IDE: variants seen among roughly 807,000 people sequenced by gnomAD.
IDE encodes insulin degrading enzyme, also known as insulin-degrading enzyme.
IDE carries 58 observed loss-of-function variants against 133.2 expected under a neutral mutation model. That is an observed-to-expected ratio of 0.44 (90% confidence interval 0.35 to 0.54). The LOEUF (loss-of-function observed/expected upper bound fraction) is 0.54. IDE is among the 20% of genes least tolerant of loss of function. The pLI, the probability that IDE is intolerant of heterozygous loss-of-function variation, is 0.00. For synonymous variants in IDE, 396 were observed against 421.3 expected (o/e 0.94, Z 0.73); for missense variants, 981 against 1,234.0 (o/e 0.79, Z 3.07).
At chr10:92,496,272 C>G (rs577357021) in intron 11 of IDE, among the ~76,000 whole-genome samples, 26 of 152,280 alleles carry the variant, frequency 1.7e-4, no homozygotes, top group African/African-American at 6.0e-4. Context: ...AGGTCAAATT[C>G]TGGGAAAGAC....
At chr10:92,460,046 C>T (rs1267527659) in intron 22 of IDE, among the ~76,000 whole-genome samples, 1 of 151,780 alleles carries the variant, frequency 6.6e-6, no homozygotes, top group African/African-American at 2.4e-5. Context: ...ACTATGTTGG[C>T]CAGGCTGATC....
chr10:92,543,533 T>C (rs1475468025), intron 1 of IDE, among the ~76,000 whole-genome samples: 1 of 152,242 alleles, frequency 6.6e-6, no homozygotes, highest in African/African-American at 2.4e-5. Flanking sequence ...CCTGTTAAAC[T>C]TATTCACCCC....
chr10:92,456,006 C>A (rs1238681975), intron 23 of IDE, among the ~76,000 whole-genome samples: 10 of 152,140 alleles, frequency 6.6e-5, no homozygotes, highest in Non-Finnish European at 1.2e-4. Flanking sequence ...GAGTTAATGG[C>A]CACAGGACAA....
At chr10:92,542,251 C>T (rs1234117835) in intron 1 of IDE, among the ~76,000 whole-genome samples, 1 of 152,176 alleles carries the variant, frequency 6.6e-6, no homozygotes, top group Non-Finnish European at 1.5e-5. Flanking sequence ...ACATCCCGGG[C>T]TCAGGTGATC....
chr10:92,459,715 A>G (rs938416693), intron 22 of IDE, among the ~76,000 whole-genome samples: 2 of 151,578 alleles, frequency 1.3e-5, no homozygotes, highest in African/African-American at 4.8e-5. Flanking sequence ...ACAAATTTTG[A>G]GTTTTTGCAT....
At chr10:92,491,854 G>A (rs1345969925) in intron 11 of IDE, among the ~76,000 whole-genome samples, 2 of 150,860 alleles carry the variant, frequency 1.3e-5, no homozygotes, top group South Asian at 4.2e-4. Flanking sequence ...CAGGTGATCC[G>A]CCTGCCTCAG....
chr10:92,517,431 AG>A lies in IDE; in HGVS notation c.662-2390del, dbSNP rs376722168. On this transcript the variant is annotated intron_variant, in intron 4 of 24. Transcript: ENST00000265986. ...GGTTGTTCTTGTTTTTGTTTAAGAT[AG>A]GGTCTTACTCTGTTGCCCAGGCTAG... 2.1e-4 allele frequency among the ~76,000 whole-genome samples: 32 copies of A among 152,236 alleles called. 1 individual carries two copies. The South Asian group carries it at 6.2e-3, about 30-fold the overall frequency.
At chr10:92,556,306 A>G (rs908992029) in intron 1 of IDE, among the ~76,000 whole-genome samples, 3 of 152,244 alleles carry the variant, frequency 2.0e-5, no homozygotes, top group Admixed American at 6.5e-5. Flanking sequence ...AAAAATAAGA[A>G]AACAATTAAT....
intron 11 of IDE, among the ~76,000 whole-genome samples, chr10:92,502,471 G>A (rs182317095): frequency 3.9e-5 from 6 of 152,172 alleles, no homozygotes; most frequent in Admixed American, 1.3e-4. Context: ...ATATGCAGTT[G>A]ATTTTTGTAT....
At chr10:92,491,614 TG>T (rs1219765856) in intron 11 of IDE, among the ~76,000 whole-genome samples, 1 of 144,974 alleles carries the variant, frequency 6.9e-6, no homozygotes, top group African/African-American at 2.7e-5. Context: ...TTTTTGTTTT[TG>T]TTTTTTTTTT....
chr10:92,558,199 C>A (rs760742682), intron 1 of IDE, among the ~76,000 whole-genome samples: 2 of 151,894 alleles, frequency 1.3e-5, no homozygotes, highest in Non-Finnish European at 2.9e-5. Flanking sequence ...ATTACAGGTG[C>A]CTGTCACTAC....
intron 1 of IDE, among the ~76,000 whole-genome samples, chr10:92,549,457 CTCAATCAA>C (rs371643247): frequency 3.3e-5 from 5 of 151,976 alleles, no homozygotes; most frequent in Non-Finnish European, 4.4e-5. Flanking sequence ...CTACATATCT[CTCAATCAA>C]TCAATCAATC....
At chr10:92,462,440 G>T (rs968652730) in intron 21 of IDE, among the ~76,000 whole-genome samples, 9 of 151,990 alleles carry the variant, frequency 5.9e-5, no homozygotes, top group African/African-American at 2.2e-4. Context: ...GACCAACATG[G>T]AGAAACCCCA....
Position 92,487,338 on chromosome 10 carries a change from C to G in IDE, c.1534-20G>C, listed in dbSNP as rs771398962. ...CCATTTCTGGATGAATAATGAAACACACAAATGCAGTAAGAGTCTGATTTA... is the reference window on the plus strand; with the variant it reads ...CCATTTCTGGATGAATAATGAAACAGACAAATGCAGTAAGAGTCTGATTTA... On this transcript the variant is annotated intron_variant, in intron 12 of 24. Coordinates refer to ENST00000265986, the MANE Select transcript of IDE (RefSeq NM_004969.4). 6.2e-7 allele frequency: 1 copy of G among 1,603,806 alleles called. No individual in the cohort carries two copies. Among genetic ancestry groups the G allele is most frequent in the Admixed American group, 1.7e-5 (1 of 58,682 alleles).
Position 92,473,225 on chromosome 10 carries a change from C to T in IDE, c.2116+1616G>A, listed in dbSNP as rs192516024. Among the ~76,000 whole-genome samples the T allele has an allele frequency of 1.6e-3, 242 of 152,090 alleles. 2 individuals carry two copies. Among genetic ancestry groups the T allele is most frequent in the African/African-American group, 5.2e-3 (217 of 41,468 alleles). The stretch of plus-strand genomic sequence containing the variant: ...GATTACAGGTGTGAGCCACGGCACC[C>T]GGCCCAAAATTCTTTTTATTGCATT... On this transcript the variant is annotated intron_variant, in intron 17 of 24. Transcript: ENST00000265986.
rs781447234 is a variant in IDE, at chr10:92,468,907, A to T, written c.2292T>A (p.Val764=). The T allele has an allele frequency of 2.7e-5, 44 of 1,610,190 alleles. No individual in the cohort carries two copies. Among genetic ancestry groups the T allele is most frequent in the Non-Finnish European group, 3.7e-5 (44 of 1,176,490 alleles). Residue 764 remains valine, a synonymous_variant, in exon 19 of 25, where the codon GTT becomes GTA. Transcript: ENST00000265986. ...CAGGGAGCTGAACTTCTCTATACCG[A>T]ACCAGCTGACTTGGAAGGAGAGGTT... ...HTKPLLPSQL[V]RYREVQLPDR...
At chr10:92,487,362 T>A in intron 12 of IDE, 44 bp from the exon 13 acceptor site, 1 of 1,558,760 alleles carries the variant, frequency 6.4e-7, no homozygotes. Flanking sequence ...GAGTCTGATT[T>A]AAGAGTTTAA....
intron 11 of IDE, among the ~76,000 whole-genome samples, chr10:92,502,883 T>G (rs1472364957): frequency 6.6e-6 from 1 of 152,192 alleles, no homozygotes; most frequent in Non-Finnish European, 1.5e-5. Context: ...TAAGATTTTC[T>G]GTATCATAAT....
At chr10:92,555,871 C>T (rs558681451) in intron 1 of IDE, among the ~76,000 whole-genome samples, 2 of 152,060 alleles carry the variant, frequency 1.3e-5, no homozygotes, top group Non-Finnish European at 2.9e-5. Flanking sequence ...AAACGGCGTA[C>T]AAATTAGAAA....
Sources: gnomAD v4.1 joint callset for allele counts (sites outside exome capture counted in the v4.1 genomes callset) on GRCh38, gnomAD v4.1.1 for gene constraint, MANE v1.5 for transcripts, NCBI Gene and HGNC (gene_info 2026-07-23, HGNC 2026-07-21) for gene names.